The following ZNF550 variants were observed in gnomAD, a reference collection of about 807,000 sequenced individuals.
ZNF550 encodes zinc finger protein 550.
ZNF550 carries 42 observed loss-of-function variants against 40.2 expected under a neutral mutation model. That is an observed-to-expected ratio of 1.05 (90% CI 0.82 to 1.35). ZNF550 has a LOEUF of 1.35. ZNF550 is among the 40% of genes most tolerant of loss of function. The pLI, the probability that ZNF550 is intolerant of heterozygous loss-of-function variation, is 0.00. For synonymous variants in ZNF550, 223 were observed against 198.6 expected (o/e 1.12, Z -1.03); for missense variants, 549 against 525.2 (o/e 1.05, Z -0.44).
At chr19:57,547,319 G>A in exon 4 of ZNF550, 2 of 1,614,128 alleles carry the variant, frequency 1.2e-6, no homozygotes, top group South Asian at 1.1e-5. Flanking sequence ...TCTCCAGTGT[G>A]GGTCCTATTA....
At chr19:57,555,048 C>G (rs1447669740) in intron 2 of ZNF550, 1 of 152,232 alleles carries the variant, frequency 6.6e-6, no homozygotes, top group Non-Finnish European at 1.5e-5. Flanking sequence ...CCCAACTGAA[C>G]TCAGAGTGTG....
At chr19:57,559,971 T>C, upstream of ZNF550, 1 of 381,440 alleles carries the variant, frequency 2.6e-6, no homozygotes. Context: ...TTTTTCCTTT[T>C]TTATTATGCA....
chr19:57,559,722 A>G, exon 1 of ZNF550: 3 of 1,447,678 alleles, frequency 2.1e-6, no homozygotes, highest in East Asian at 2.7e-5. Context: ...GGCAGCTCCC[A>G]CGGGCTCAAA....
At position 57,552,618 on chromosome 19, in the gene ZNF550, G is replaced by T; in HGVS notation, c.250+9C>A. 4 of 1,590,832 alleles carry T rather than the reference G, an allele frequency of 2.5e-6. No individual in the cohort carries two copies. The highest frequency in any genetic ancestry group is 3.4e-6 in the Non-Finnish European group (4 of 1,174,586). ...CATGACTCCACATGACCAGCTGGTG[G>T]CTGCTTACCTGCACAGGTAGCATGT... is the stretch of plus-strand genomic sequence containing the variant. On this transcript the variant is annotated intron_variant, in intron 3 of 4. Transcript: ENST00000457177.
In ZNF550 at chr19:57,556,011, GA is replaced by G. The variant is rs1377904278; in HGVS notation, c.154+219del. 1.2e-5 allele frequency: 6 copies of G among 521,264 alleles called. No individual in the cohort carries two copies. The South Asian group carries it at 1.2e-4, about 10-fold the overall frequency. The allele number at this position is 521,264 out of a possible 1,614,324, so 32.3% of individuals were successfully genotyped here. ...ATCAGCTTCCTTCTTATGCAATCTT[GA>G]TTAAGGACCTCAGAATGGGCTGAGC... On this transcript the variant is annotated intron_variant, in intron 2 of 4. Coordinates refer to ENST00000457177, the Ensembl canonical transcript of ZNF550.
chr19:57,544,510 A>G (rs1420393761), intron 4 of ZNF550: 1 of 985,298 alleles, frequency 1.0e-6, no homozygotes, highest in Non-Finnish European at 1.2e-6. Flanking sequence ...CCTTCCAGAG[A>G]GAGGATGCAG....
intron 1 of ZNF550, chr19:57,556,967 C>T (rs1402377578): frequency 6.6e-6 from 1 of 152,642 alleles, no homozygotes; most frequent in African/African-American, 2.4e-5. Flanking sequence ...CATCGCCATT[C>T]TCCCGTCTCG....
At chr19:57,559,263 CCGG>C (rs1229417596) in intron 1 of ZNF550, among the ~76,000 whole-genome samples, 5 of 152,166 alleles carry the variant, frequency 3.3e-5, no homozygotes, top group Non-Finnish European at 7.3e-5. Flanking sequence ...TTCCTCAACC[CCGG>C]GGGGGGGAAG....
intron 4 of ZNF550, among the ~76,000 whole-genome samples, chr19:57,545,604 T>G (rs1219116491): frequency 1.3e-5 from 2 of 152,186 alleles, no homozygotes; most frequent in Non-Finnish European, 2.9e-5. Context: ...CATATTAGGC[T>G]AGGTGTGGTG....
chr19:57,557,750 G>C (rs1314050859), intron 1 of ZNF550, among the ~76,000 whole-genome samples: 9 of 152,170 alleles, frequency 5.9e-5, no homozygotes, highest in Non-Finnish European at 1.3e-4. Context: ...GGCTTCCTTA[G>C]CCGTGGTAAA....
rs529332157 is a variant in ZNF550 at position 57,556,295 on chromosome 19, G to C, written c.90C>G (p.Asp30Glu). The C allele has an allele frequency of 8.7e-6, 14 of 1,614,164 alleles. No homozygotes were observed. The African/African-American group carries it at 1.2e-4, about 14-fold the overall frequency. ...CTCGGTACAGGGTCCTCTGGGCCAG[G>C]TCCAGCTGTCTCCACTCCTCCCGGG... Residue 30 changes from aspartate to glutamate, a missense_variant, in exon 2 of 5, where the codon GAC becomes GAG. Coordinates refer to ENST00000457177, the Ensembl canonical transcript of ZNF550.
exon 3 of ZNF550, chr19:57,552,682 C>A (rs1364916000): frequency 6.3e-7 from 1 of 1,598,306 alleles, no homozygotes; most frequent in Non-Finnish European, 8.5e-7. Context: ...CCTGCCCATG[C>A]TCTAGCAGGT....
At chr19:57,551,321 G>A (rs2090070828) in intron 3 of ZNF550, among the ~76,000 whole-genome samples, 2 of 152,212 alleles carry the variant, frequency 1.3e-5, no homozygotes, top group Admixed American at 1.3e-4. Context: ...GGCTGCAGGA[G>A]CCGGTGCAGG....
At chr19:57,559,133 G>A (rs2090147423) in intron 1 of ZNF550, among the ~76,000 whole-genome samples, 1 of 152,174 alleles carries the variant, frequency 6.6e-6, no homozygotes. Context: ...CTGGGGTTGA[G>A]TCTCCAAACC....
At chr19:57,543,881 T>C (rs533767263) in intron 4 of ZNF550, 2 of 789,352 alleles carry the variant, frequency 2.5e-6, no homozygotes, top group African/African-American at 1.9e-5. Context: ...GAAGTTGCAG[T>C]GAGCTGAGAT....
chr19:57,549,872 C>T (rs1461339281), intron 3 of ZNF550, among the ~76,000 whole-genome samples: 2 of 152,150 alleles, frequency 1.3e-5, no homozygotes, highest in African/African-American at 4.8e-5. Flanking sequence ...CAGAATGACT[C>T]AGTTCAAATC....
upstream of ZNF550, among the ~76,000 whole-genome samples, chr19:57,560,415 C>T (rs2090159568): frequency 6.6e-6 from 1 of 152,242 alleles, no homozygotes; most frequent in Non-Finnish European, 1.5e-5. Flanking sequence ...TCCCCGCCCG[C>T]TTCCGGAGTC....
At chr19:57,542,026 C>A (rs140657811) in exon 5 of ZNF550, 88 of 151,834 alleles carry the variant, frequency 5.8e-4, no homozygotes, top group African/African-American at 2.0e-3. Flanking sequence ...AAACAAAATA[C>A]ACAATAAAAA....
chr19:57,543,455 G>T, intron 4 of ZNF550: 1 of 325,826 alleles, frequency 3.1e-6, no homozygotes, highest in Non-Finnish European at 4.4e-6. Flanking sequence ...TGACCGACTT[G>T]CCGAGTTAAT....
Sources: gnomAD v4.1 joint callset for allele counts (sites outside exome capture counted in the v4.1 genomes callset) on GRCh38, gnomAD v4.1.1 for gene constraint, MANE v1.5 for transcripts, NCBI Gene and HGNC (gene_info 2026-07-23, HGNC 2026-07-21) for gene names.